Variants in IMMP2L observed in about 807,000 individuals in gnomAD.
The protein encoded by IMMP2L is mitochondrial inner membrane protease subunit 2.
A neutral mutation model predicts 19.3 loss-of-function variants in IMMP2L; 18 were observed. That is an observed-to-expected ratio of 0.93 (90% CI 0.64 to 1.38). The LOEUF is 1.38. Among genes scored for constraint, IMMP2L ranks in the 40% most tolerant of loss-of-function variants. The pLI, the probability that IMMP2L is intolerant of heterozygous loss-of-function variation, is 0.00. For missense variants in IMMP2L, 233 were observed against 218.2 expected (o/e 1.07, Z -0.43); for synonymous variants, 76 against 73.0 (o/e 1.04, Z -0.21).
At chr7:111,391,843 T>G (rs1415697782) in intron 3 of IMMP2L, 1 of 702,270 alleles carries the variant, frequency 1.4e-6, no homozygotes, top group African/African-American at 1.7e-5. Flanking sequence ...CATACCTCTC[T>G]TTCAGTTGCC....
At chr7:110,807,712 T>A (rs953817904) in intron 5 of IMMP2L, among the ~76,000 whole-genome samples, 2 of 152,122 alleles carry the variant, frequency 1.3e-5, no homozygotes, top group Non-Finnish European at 2.9e-5. Context: ...TCTATCCTTT[T>A]AAATACAACT....
At position 111,046,527 on chromosome 7, in the gene IMMP2L, C is replaced by T. The variant is rs190409906; in HGVS notation, c.240-82962G>A. ...CAAAAAATAAATCCACCTGTAGAAA[C>T]ATGATAGGGAGTCTATAATAAATGA... On this transcript the variant is annotated intron_variant, in intron 3 of 5. Coordinates refer to ENST00000405709, the MANE Select transcript of IMMP2L (RefSeq NM_032549.4). Among the ~76,000 whole-genome samples, 91 of 152,158 alleles carry T rather than the reference C, an allele frequency of 6.0e-4. 1 individual carries two copies. The highest frequency in any genetic ancestry group is 2.1e-3 in the African/African-American group (89 of 41,554).
chr7:110,951,538 G>GGT (rs10598353), intron 4 of IMMP2L, among the ~76,000 whole-genome samples: 6,489 of 149,714 alleles, frequency 0.043, 158 homozygotes, highest in African/African-American at 0.052. Context: ...ATGTATATAT[G>GGT]GTGTGTGTGT....
intron 3 of IMMP2L, among the ~76,000 whole-genome samples, chr7:111,398,582 T>A (rs1178114135): frequency 2.0e-5 from 3 of 151,904 alleles, no homozygotes; most frequent in Non-Finnish European, 4.4e-5. Flanking sequence ...GGATGCCCCC[T>A]CCCACCACTT....
intron 5 of IMMP2L, among the ~76,000 whole-genome samples, chr7:110,738,521 A>C (rs1330076809): frequency 6.6e-6 from 1 of 152,238 alleles, no homozygotes; most frequent in Non-Finnish European, 1.5e-5. Context: ...TCAAATACGA[A>C]GAAAAAAGAA....
chr7:110,974,457 G>A lies in IMMP2L; in HGVS notation c.240-10892C>T, dbSNP rs182697144. Among the ~76,000 whole-genome samples the A allele has an allele frequency of 2.9e-3, 439 of 152,106 alleles. 2 individuals carry two copies. Among genetic ancestry groups the A allele is most frequent in the African/African-American group, 0.01 (419 of 41,508 alleles). On this transcript the variant is annotated intron_variant, in intron 3 of 5. Transcript: ENST00000405709. The stretch of plus-strand genomic sequence containing the variant: ...TTTAAAACTTTTAAATAGTCTAACC[G>A]TATTACCTAAAATAAAATGCCTTTC...
chr7:111,452,402 C>T (rs1839289264), intron 3 of IMMP2L, among the ~76,000 whole-genome samples: 1 of 152,054 alleles, frequency 6.6e-6, no homozygotes, highest in Non-Finnish European at 1.5e-5. Flanking sequence ...ACAAAATTGT[C>T]CTGAGATTCC....
At chr7:111,007,580 C>G (rs1200619313) in intron 3 of IMMP2L, among the ~76,000 whole-genome samples, 10 of 152,108 alleles carry the variant, frequency 6.6e-5, no homozygotes, top group Non-Finnish European at 8.8e-5. Flanking sequence ...AGACCTCACA[C>G]TTTTTTTCAT....
rs141034219 is a variant in IMMP2L, at chr7:111,463,460, G to A, written c.239+23778C>T. On this transcript the variant is annotated intron_variant, in intron 3 of 5. Transcript: ENST00000405709. ...ATGCTTCTTTAATTTCTAGCTTCAAGTTGGCAAATGGGAGGCACCTGTTCA... is the reference window on the plus strand; with the variant it reads ...ATGCTTCTTTAATTTCTAGCTTCAAATTGGCAAATGGGAGGCACCTGTTCA... Among the ~76,000 whole-genome samples the A allele has an allele frequency of 3.2e-4, 49 of 152,162 alleles. 1 individual carries two copies. The East Asian group carries it at 9.3e-3, about 29-fold the overall frequency.
chr7:111,424,336 G>T (rs1216984114), intron 3 of IMMP2L, among the ~76,000 whole-genome samples: 1 of 151,734 alleles, frequency 6.6e-6, no homozygotes, highest in Non-Finnish European at 1.5e-5. Context: ...AAGGAAGATA[G>T]ATGGGTGGTT....
intron 3 of IMMP2L, among the ~76,000 whole-genome samples, chr7:111,464,881 C>CG (rs1840474484): frequency 6.6e-6 from 1 of 152,120 alleles, no homozygotes; most frequent in Admixed American, 6.5e-5. Flanking sequence ...CTCCGCCTCC[C>CG]GGGTTCACGC....
intron 2 of IMMP2L, among the ~76,000 whole-genome samples, chr7:111,519,840 C>T (rs2529489): frequency 0.65 from 99,304 of 151,882 alleles, 33,467 homozygotes; most frequent in African/African-American, 0.8. Context: ...ATAGTGATAG[C>T]TGTATAGCAA....
intron 3 of IMMP2L, among the ~76,000 whole-genome samples, chr7:110,987,195 T>A (rs1429553064): frequency 6.6e-6 from 1 of 152,156 alleles, no homozygotes; most frequent in Non-Finnish European, 1.5e-5. Context: ...CTGACTGAAT[T>A]AAATAATATA....
chr7:111,265,845 G>C (rs1247471014), intron 3 of IMMP2L, among the ~76,000 whole-genome samples: 1 of 152,108 alleles, frequency 6.6e-6, no homozygotes, highest in African/African-American at 2.4e-5. Context: ...AGGGGTTTCT[G>C]TTTTTATTCA....
intron 3 of IMMP2L, among the ~76,000 whole-genome samples, chr7:111,199,602 A>C (rs1327920402): frequency 6.6e-6 from 1 of 152,180 alleles, no homozygotes; most frequent in African/African-American, 2.4e-5. Flanking sequence ...AAGTTTACAG[A>C]ATGTTAGTCT....
At chr7:111,420,784 AT>A (rs1401497784) in intron 3 of IMMP2L, among the ~76,000 whole-genome samples, 3 of 151,558 alleles carry the variant, frequency 2.0e-5, no homozygotes, top group Admixed American at 2.0e-4. Flanking sequence ...TAAGTGCCAC[AT>A]TTTCTTAATC....
intron 4 of IMMP2L, among the ~76,000 whole-genome samples, chr7:110,907,379 C>T (rs1238762562): frequency 6.6e-6 from 1 of 152,150 alleles, no homozygotes; most frequent in Non-Finnish European, 1.5e-5. Flanking sequence ...TGAAGCTATG[C>T]CATCAAGCTG....
chr7:111,414,780 T>G (rs1488910184), intron 3 of IMMP2L, among the ~76,000 whole-genome samples: 1 of 151,818 alleles, frequency 6.6e-6, no homozygotes, highest in African/African-American at 2.4e-5. Context: ...ATGAGAGCTC[T>G]CTACAAAAAT....
chr7:111,005,089 T>C (rs2129561971), intron 3 of IMMP2L, among the ~76,000 whole-genome samples: 1 of 152,298 alleles, frequency 6.6e-6, no homozygotes, highest in Non-Finnish European at 1.5e-5. Context: ...TATGTGAATT[T>C]ACTGCTCCAG....
Sources: gnomAD v4.1 joint callset for allele counts (sites outside exome capture counted in the v4.1 genomes callset) on GRCh38, gnomAD v4.1.1 for gene constraint, MANE v1.5 for transcripts, NCBI Gene and HGNC (gene_info 2026-07-23, HGNC 2026-07-21) for gene names.